The following INPP4B variants were observed in gnomAD, a reference collection of about 807,000 sequenced individuals.
The protein encoded by INPP4B is inositol polyphosphate 4-phosphatase type II.
A neutral mutation model predicts 122.5 loss-of-function variants in INPP4B; 55 were observed. The observed-to-expected ratio is 0.45, with a 90% CI of 0.36 to 0.56. The LOEUF (loss-of-function observed/expected upper bound fraction) is 0.56. INPP4B is among the 20% of genes least tolerant of loss of function. The pLI is 0.00. For missense variants in INPP4B, 1,000 were observed against 1,097.7 expected, an observed-to-expected ratio of 0.91 and a Z score of 1.26; for synonymous variants, 403 against 388.7, an observed-to-expected ratio of 1.04 and a Z score of -0.43.
intron 7 of INPP4B, among the ~76,000 whole-genome samples, chr4:142,355,986 A>G (rs994107015): frequency 2.6e-5 from 4 of 151,744 alleles, no homozygotes; most frequent in Admixed American, 1.3e-4. Context: ...ACATACTCCA[A>G]TAGATACTAC....
intron 1 of INPP4B, among the ~76,000 whole-genome samples, chr4:142,756,816 A>G (rs1770585229): frequency 6.6e-6 from 1 of 152,134 alleles, no homozygotes; most frequent in African/African-American, 2.4e-5. Flanking sequence ...GAAAACAACA[A>G]TGATAATATA....
At chr4:142,208,560 G>C in intron 13 of INPP4B, 31 bp from the exon 14 acceptor site, 1 of 1,140,856 alleles carries the variant, frequency 8.8e-7, no homozygotes, top group Non-Finnish European at 1.3e-6. Flanking sequence ...AACATTATTA[G>C]TAAATAATGA....
At chr4:142,280,284 A>C (rs2150762169) in intron 9 of INPP4B, among the ~76,000 whole-genome samples, 1 of 152,102 alleles carries the variant, frequency 6.6e-6, no homozygotes, top group South Asian at 2.1e-4. Context: ...AAAAAACTGG[A>C]AACAATAGAA....
intron 2 of INPP4B, among the ~76,000 whole-genome samples, chr4:142,661,471 A>T (rs535833826): frequency 2.0e-4 from 31 of 152,194 alleles, no homozygotes; most frequent in Non-Finnish European, 4.0e-4. Context: ...CTTAAAATGG[A>T]TATAAACAAG....
intron 18 of INPP4B, among the ~76,000 whole-genome samples, chr4:142,134,177 T>C (rs1802770976): frequency 2.0e-5 from 3 of 152,344 alleles, no homozygotes; most frequent in Admixed American, 1.3e-4. Flanking sequence ...AATATCACCT[T>C]TAAAAACGTG....
chr4:142,353,320 C>T (rs995444533), intron 7 of INPP4B, among the ~76,000 whole-genome samples: 1 of 151,888 alleles, frequency 6.6e-6, no homozygotes, highest in Non-Finnish European at 1.5e-5. Context: ...CTAGGGGGAG[C>T]GCTAGGCTCT....
intron 9 of INPP4B, among the ~76,000 whole-genome samples, chr4:142,280,806 TC>T (rs1180739076): frequency 6.6e-6 from 1 of 152,004 alleles, no homozygotes; most frequent in African/African-American, 2.4e-5. Context: ...GTTATCCTCT[TC>T]CATGTCAAGC....
intron 21 of INPP4B, among the ~76,000 whole-genome samples, chr4:142,114,704 A>C (rs950557864): frequency 3.3e-5 from 5 of 151,966 alleles, no homozygotes; most frequent in African/African-American, 1.2e-4. Flanking sequence ...ATTATCTTCT[A>C]ATCTGTGGCT....
intron 7 of INPP4B, among the ~76,000 whole-genome samples, chr4:142,398,446 A>ATATAT (rs1491285553): frequency 3.9e-5 from 4 of 103,300 alleles, no homozygotes; most frequent in Non-Finnish European, 6.2e-5. Context: ...ATATATATAT[A>ATATAT]AAACATATTA....
intron 2 of INPP4B, among the ~76,000 whole-genome samples, chr4:142,469,681 C>T (rs1046491357): frequency 6.6e-6 from 1 of 152,112 alleles, no homozygotes; most frequent in African/African-American, 2.4e-5. Context: ...CAGAAACATT[C>T]AATTTTATGC....
intron 18 of INPP4B, among the ~76,000 whole-genome samples, chr4:142,133,072 T>C: frequency 6.6e-6 from 1 of 152,154 alleles, no homozygotes; most frequent in East Asian, 1.9e-4. Context: ...CATATTCTCT[T>C]TGTATTCCTC....
At chr4:142,715,681 G>C (rs973583085) in intron 2 of INPP4B, among the ~76,000 whole-genome samples, 1 of 152,204 alleles carries the variant, frequency 6.6e-6, no homozygotes, top group South Asian at 2.1e-4. Context: ...CTGGGAAGGA[G>C]CTCTGGGAGA....
intron 2 of INPP4B, among the ~76,000 whole-genome samples, chr4:142,644,609 C>G (rs1282807465): frequency 6.6e-6 from 1 of 151,240 alleles, no homozygotes; most frequent in South Asian, 2.1e-4. Context: ...ATTTAAAGAG[C>G]AAAGAGGACA....
chr4:142,691,343 TTA>T (rs1294775947), intron 2 of INPP4B, among the ~76,000 whole-genome samples: 6 of 151,860 alleles, frequency 4.0e-5, no homozygotes, highest in Admixed American at 6.6e-5. Flanking sequence ...TTTTTTTTTT[TTA>T]AATTTTTGCT....
At chr4:142,569,566 G>T (rs1030697960) in intron 2 of INPP4B, among the ~76,000 whole-genome samples, 1 of 152,064 alleles carries the variant, frequency 6.6e-6, no homozygotes. Flanking sequence ...AGTCTCTAAC[G>T]GGATCTCTAC....
chr4:142,569,072 G>C (rs1034758510), intron 2 of INPP4B, among the ~76,000 whole-genome samples: 2 of 152,062 alleles, frequency 1.3e-5, no homozygotes, highest in Admixed American at 6.6e-5. Context: ...TTTTTAGCCT[G>C]TATGAATAAT....
At chr4:142,749,825 T>C (rs1203671027) in intron 1 of INPP4B, among the ~76,000 whole-genome samples, 1 of 151,606 alleles carries the variant, frequency 6.6e-6, no homozygotes, top group Non-Finnish European at 1.5e-5. Flanking sequence ...GTATTCAACA[T>C]AGAAAATTAA....
chr4:142,148,418 T>G (rs1300214811), intron 17 of INPP4B, among the ~76,000 whole-genome samples: 1 of 152,066 alleles, frequency 6.6e-6, no homozygotes, highest in African/African-American at 2.4e-5. Context: ...TTTACTATGT[T>G]GCCCAGGCTG....
chr4:142,288,597 A>G (rs1190137052), intron 9 of INPP4B, among the ~76,000 whole-genome samples: 1 of 152,192 alleles, frequency 6.6e-6, no homozygotes, highest in Admixed American at 6.5e-5. Flanking sequence ...AGAAAAAAAA[A>G]GAAAAGGCTG....
Sources: allele counts gnomAD v4.1 joint callset (sites outside exome capture counted in the v4.1 genomes callset), GRCh38; gene constraint gnomAD v4.1.1; transcripts MANE v1.5; gene names NCBI Gene and HGNC (gene_info 2026-07-23, HGNC 2026-07-21).